The following ASF1B variants were observed in gnomAD, a reference collection of about 807,000 sequenced individuals.
ASF1B encodes the protein histone chaperone ASF1B.
Under a neutral mutation model 16.6 loss-of-function variants are expected in ASF1B, and 10 were observed. The ratio of observed to expected loss-of-function variants is 0.60; its 90% CI spans 0.37 to 1.02. ASF1B has a LOEUF of 1.02. Among genes scored for constraint, ASF1B ranks in the 50% least tolerant of loss-of-function variants. The pLI, the probability that ASF1B is intolerant of heterozygous loss-of-function variation, is 0.01. For synonymous variants in ASF1B, 101 were observed against 106.2 expected (o/e 0.95, Z 0.30); for missense variants, 240 against 266.0 (o/e 0.90, Z 0.68).
At position 14,136,455 on chromosome 19, in the gene ASF1B, ATCGCCTCGCC is replaced by A; in HGVS notation, c.-9_1del. ...CACGTTCAGCACCGACACCTTGGCC[ATCGCCTCGCC>A]TCGCCGCGCCGCAGCAGGGGCAGGG... On this transcript the variant is annotated start_lost and start_retained_variant and 5_prime_UTR_variant, in exon 1 of 4. Coordinates refer to ENST00000263382, the MANE Select transcript of ASF1B (RefSeq NM_018154.3). 1.9e-6 allele frequency: 3 copies of A among 1,612,316 alleles called. No homozygotes were observed. Among genetic ancestry groups the A allele is most frequent in the South Asian group, 1.1e-5 (1 of 90,996 alleles).
Position 14,136,294 on chromosome 19 carries a change from G to A in ASF1B, c.109+54C>T. 3.9e-6 allele frequency: 6 copies of A among 1,527,960 alleles called. No individual in the cohort carries two copies. In the South Asian group the frequency reaches 5.8e-5, roughly 15 times the overall value. The allele number at this position is 1,527,960 out of a possible 1,614,324, so 94.7% of individuals were successfully genotyped here. ...GTTGGCCATGGGAGCGGTTCTCTGA[G>A]GGGAGGCCGGGGTCGGCCCGGGGGT... On this transcript the variant is annotated intron_variant, in intron 1 of 3. Transcript: ENST00000263382.
chr19:14,120,389 G>T lies in ASF1B; in HGVS notation c.*70C>A. On this transcript the variant is annotated 3_prime_UTR_variant, in exon 4 of 4. Transcript: ENST00000263382. Reference sequence around the variant, plus strand: ...GATGGCCCCCAAAGTCCTCTAGATGGGCCCTGCAGGACTCGCTGGGAGGCC... The same window carrying T: ...GATGGCCCCCAAAGTCCTCTAGATGTGCCCTGCAGGACTCGCTGGGAGGCC... 1 of 1,488,428 alleles carries T rather than the reference G, an allele frequency of 6.7e-7. No homozygotes were observed. The allele number at this position is 1,488,428 out of a possible 1,614,324, so 92.2% of individuals were successfully genotyped here.
chr19:14,120,262 GC>G lies in ASF1B; in HGVS notation c.*196del. 1.8e-6 allele frequency: 1 copy of G among 567,650 alleles called. No individual in the cohort carries two copies. The highest frequency in any genetic ancestry group is 3.1e-6 in the Non-Finnish European group (1 of 324,868). 35.2% of individuals were successfully genotyped at this position (567,650 alleles called of 1,614,324 possible). ...GAACTGAAGTACCTGCTTCTTATAG[GC>G]CTGTAGAGGAAAAGCGAGATCATCC... On this transcript the variant is annotated 3_prime_UTR_variant, in exon 4 of 4. Transcript: ENST00000263382.
rs555154075 is a variant in ASF1B, at chr19:14,136,559, T to G, written c.-103A>C. On this transcript the variant is annotated 5_prime_UTR_variant, in exon 1 of 4. Transcript: ENST00000263382. ...GTGGGGTAGGGCTGACCAGGTCCACTCCCGCCTCTTCTCTCCGAGAACTGA... is the reference window on the plus strand; with the variant it reads ...GTGGGGTAGGGCTGACCAGGTCCACGCCCGCCTCTTCTCTCCGAGAACTGA... 16 of 839,584 alleles carry G rather than the reference T, an allele frequency of 1.9e-5. No individual in the cohort carries two copies. The highest frequency in any genetic ancestry group is 2.9e-5 in the Non-Finnish European group (16 of 550,834). The allele number at this position is 839,584 out of a possible 1,614,324, so 52.0% of individuals were successfully genotyped here.
At chr19:14,123,221 A>G (rs1050914853) in intron 2 of ASF1B, among the ~76,000 whole-genome samples, 1 of 152,058 alleles carries the variant, frequency 6.6e-6, no homozygotes, top group African/African-American at 2.4e-5. Flanking sequence ...AGGGCCTGTC[A>G]GTGGATTTAG....
chr19:14,128,293 G>A (rs1967347792), intron 1 of ASF1B, among the ~76,000 whole-genome samples: 1 of 152,174 alleles, frequency 6.6e-6, no homozygotes. Context: ...TTGGAAGCAT[G>A]CTGCTGCCAG....
chr19:14,131,173 T>C (rs1260838369), intron 1 of ASF1B, among the ~76,000 whole-genome samples: 1 of 150,798 alleles, frequency 6.6e-6, no homozygotes, highest in Non-Finnish European at 1.5e-5. Context: ...CCACTGTGCC[T>C]GGCCATTTTT....
intron 2 of ASF1B, 139 bp from the exon 3 acceptor site, chr19:14,121,847 C>G: frequency 2.6e-6 from 2 of 765,780 alleles, no homozygotes; most frequent in Non-Finnish European, 3.9e-6. Context: ...TTACTTCTGC[C>G]TCTCGGGTTC....
intron 2 of ASF1B, among the ~76,000 whole-genome samples, chr19:14,125,854 C>G (rs1484000844): frequency 1.3e-5 from 2 of 151,954 alleles, no homozygotes; most frequent in African/African-American, 4.8e-5. Context: ...TGCCCGGCCT[C>G]TATGTTTTTA....
intron 1 of ASF1B, 124 bp downstream of exon 1, chr19:14,136,224 C>T (rs1357283650): frequency 4.6e-5 from 26 of 560,630 alleles, no homozygotes; most frequent in Non-Finnish European, 6.6e-5. Flanking sequence ...TGGGGGAGAT[C>T]GGGGTTGGCG....
intron 1 of ASF1B, among the ~76,000 whole-genome samples, chr19:14,126,940 T>G (rs917908489): frequency 6.6e-6 from 1 of 152,146 alleles, no homozygotes; most frequent in Non-Finnish European, 1.5e-5. Flanking sequence ...TACTTATTTT[T>G]TGAGACAGTC....
chr19:14,120,590 G>T lies in ASF1B; in HGVS notation c.478C>A (p.Leu160Met). 2 of 1,614,164 alleles carry T rather than the reference G, an allele frequency of 1.2e-6. No homozygotes were observed. Among genetic ancestry groups the T allele is most frequent in the East Asian group, 4.5e-5 (2 of 44,872 alleles). The change falls in exon 4 of 4, where the codon CTG becomes ATG. Residue 160 changes from leucine to methionine, a missense_variant. Transcript: ENST00000263382. ...HINWDNNMDR[L>M]EAIETQDPSL... ...GGGTCCTGGGTCTCTATGGCCTCCAGCCTGTCCATGTTGTTGTCCCAGTTG... is the reference window on the plus strand; with the variant it reads ...GGGTCCTGGGTCTCTATGGCCTCCATCCTGTCCATGTTGTTGTCCCAGTTG...
intron 1 of ASF1B, among the ~76,000 whole-genome samples, chr19:14,130,121 C>T (rs899634081): frequency 1.3e-5 from 2 of 151,636 alleles, no homozygotes; most frequent in South Asian, 2.1e-4. Flanking sequence ...TGCAGTGGCA[C>T]GATCTCGGCT....
At chr19:14,121,731 C>A in intron 2 of ASF1B, 23 bp from the exon 3 acceptor site, 1 of 1,594,728 alleles carries the variant, frequency 6.3e-7, no homozygotes, top group Non-Finnish European at 8.6e-7. Flanking sequence ...CATCCTAGGC[C>A]TTAGCAGTGC....
At chr19:14,132,647 G>A (rs1475319088) in intron 1 of ASF1B, among the ~76,000 whole-genome samples, 1 of 152,074 alleles carries the variant, frequency 6.6e-6, no homozygotes, top group Admixed American at 6.6e-5. Context: ...GTGAAACCTC[G>A]TCTCTACTAA....
chr19:14,124,033 C>T (rs1967282190), intron 2 of ASF1B, among the ~76,000 whole-genome samples: 1 of 152,124 alleles, frequency 6.6e-6, no homozygotes, highest in Non-Finnish European at 1.5e-5. Context: ...CCCAAGTGAT[C>T]TGCCTGCCCC....
At chr19:14,123,612 C>T (rs1967274256) in intron 2 of ASF1B, among the ~76,000 whole-genome samples, 2 of 151,814 alleles carry the variant, frequency 1.3e-5, no homozygotes, top group Admixed American at 1.3e-4. Context: ...AATCTCCTGA[C>T]CTTGTGATCC....
At chr19:14,135,556 G>A (rs1021918478) in intron 1 of ASF1B, among the ~76,000 whole-genome samples, 2 of 152,158 alleles carry the variant, frequency 1.3e-5, no homozygotes, top group Non-Finnish European at 2.9e-5. Flanking sequence ...GTGGGCGTGG[G>A]GTTATTGAAA....
intron 1 of ASF1B, among the ~76,000 whole-genome samples, chr19:14,127,301 T>C (rs1270273878): frequency 6.6e-6 from 1 of 152,190 alleles, no homozygotes; most frequent in Non-Finnish European, 1.5e-5. Context: ...GTGAACTGTA[T>C]GGCAGAGGCT....
Sources: gnomAD v4.1 joint callset for allele counts (sites outside exome capture counted in the v4.1 genomes callset) on GRCh38, gnomAD v4.1.1 for gene constraint, MANE v1.5 for transcripts, NCBI Gene and HGNC (gene_info 2026-07-23, HGNC 2026-07-21) for gene names.